PDE4B: variants seen among roughly 807,000 people sequenced by gnomAD.
The protein encoded by PDE4B is 3',5'-cyclic-AMP phosphodiesterase 4B.
PDE4B carries 20 observed loss-of-function variants against 82.2 expected under a neutral mutation model. The observed-to-expected ratio is 0.24, with a 90% CI of 0.17 to 0.35. PDE4B has a LOEUF of 0.35. PDE4B is among the 10% of genes least tolerant of loss of function. PDE4B has a pLI of 1.00. For synonymous variants in PDE4B, 320 were observed against 318.9 expected (o/e 1.00, Z -0.04); for missense variants, 655 against 907.2 (o/e 0.72, Z 3.57).
At chr1:65,969,106 A>AT (rs1279667230) in intron 3 of PDE4B, among the ~76,000 whole-genome samples, 5 of 152,168 alleles carry the variant, frequency 3.3e-5, no homozygotes, top group Non-Finnish European at 4.4e-5. Flanking sequence ...CTATGATGCT[A>AT]TAACAAACAA....
intron 3 of PDE4B, among the ~76,000 whole-genome samples, chr1:66,149,761 G>A (rs1646354314): frequency 6.6e-6 from 1 of 152,154 alleles, no homozygotes. Flanking sequence ...GCGGAGGCAG[G>A]AGCATCCCTT....
At chr1:66,370,919 C>T (rs942806572) in intron 16 of PDE4B, among the ~76,000 whole-genome samples, 9 of 151,462 alleles carry the variant, frequency 5.9e-5, no homozygotes, top group South Asian at 2.1e-4. Flanking sequence ...GAATCATGTA[C>T]GGTTGAGTTT....
At chr1:66,016,116 C>G (rs1500957) in intron 3 of PDE4B, among the ~76,000 whole-genome samples, 10,965 of 152,156 alleles carry the variant, frequency 0.072, 442 homozygotes, top group South Asian at 0.14. Context: ...CTGAGTATCT[C>G]CATCTCTAAA....
chr1:66,232,888 C>T (rs1443645387), intron 3 of PDE4B, among the ~76,000 whole-genome samples: 1 of 152,128 alleles, frequency 6.6e-6, no homozygotes. Context: ...ATAAAGACAA[C>T]TTGTTAGAAA....
chr1:66,096,508 T>TATATA (rs59931848), intron 3 of PDE4B, among the ~76,000 whole-genome samples: 5 of 107,320 alleles, frequency 4.7e-5, no homozygotes, highest in African/African-American at 6.7e-5. Context: ...GTAAAAAAAA[T>TATATA]TATATATATA....
chr1:66,016,745 C>T (rs1424349000), intron 3 of PDE4B, among the ~76,000 whole-genome samples: 1 of 152,116 alleles, frequency 6.6e-6, no homozygotes, highest in African/African-American at 2.4e-5. Context: ...TCCCAAACTT[C>T]TTATAGTTTA....
At chr1:66,245,336 A>G (rs934878401) in intron 3 of PDE4B, among the ~76,000 whole-genome samples, 1 of 152,156 alleles carries the variant, frequency 6.6e-6, no homozygotes, top group East Asian at 1.9e-4. Flanking sequence ...AAATACATGA[A>G]ATTTCTAAAC....
intron 8 of PDE4B, among the ~76,000 whole-genome samples, chr1:66,337,953 A>G (rs909151836): frequency 2.6e-5 from 4 of 152,256 alleles, no homozygotes; most frequent in Admixed American, 6.5e-5. Flanking sequence ...AGTAATATAG[A>G]CAATAAAACT....
chr1:66,026,724 T>C (rs886202390), intron 3 of PDE4B, among the ~76,000 whole-genome samples: 5 of 152,206 alleles, frequency 3.3e-5, no homozygotes, highest in African/African-American at 1.2e-4. Flanking sequence ...TAACTGTTAT[T>C]CTCATTGCCA....
intron 7 of PDE4B, among the ~76,000 whole-genome samples, chr1:66,317,057 A>G (rs1659077285): frequency 6.6e-6 from 1 of 152,216 alleles, no homozygotes; most frequent in Non-Finnish European, 1.5e-5. Context: ...TTGGGTTGCC[A>G]TGAAACCTGA....
intron 3 of PDE4B, among the ~76,000 whole-genome samples, chr1:66,063,266 G>A (rs1156746218): frequency 6.6e-6 from 1 of 151,942 alleles, no homozygotes; most frequent in Admixed American, 6.6e-5. Flanking sequence ...AAAAAGAGGA[G>A]GTGAATATTG....
Position 65,931,870 on chromosome 1 carries a change from C to A in PDE4B, c.281+13035C>A, listed in dbSNP as rs970373693. Among the ~76,000 whole-genome samples, 6 of 152,330 alleles carry A rather than the reference C, an allele frequency of 3.9e-5. No homozygotes were observed. In the East Asian group the frequency reaches 5.8e-4, roughly 15 times the overall value. On this transcript the variant is annotated intron_variant, in intron 3 of 16. Coordinates refer to ENST00000341517, the MANE Select transcript of PDE4B (RefSeq NM_002600.4). ...AACTTCTTCCTCCCCAAAGGATGGG[C>A]CTTTCTCTTTCCAGTCTTGGAGCAG...
chr1:66,289,655 T>C (rs976930223), intron 7 of PDE4B, among the ~76,000 whole-genome samples: 4 of 151,902 alleles, frequency 2.6e-5, no homozygotes, highest in Admixed American at 6.6e-5. Context: ...ATTTGGATTA[T>C]ATTAAAGCAA....
intron 1 of PDE4B, among the ~76,000 whole-genome samples, chr1:65,881,522 C>T (rs1454887127): frequency 6.6e-6 from 1 of 152,158 alleles, no homozygotes; most frequent in Non-Finnish European, 1.5e-5. Flanking sequence ...ACCTCAGTTT[C>T]ATAATCTACT....
chr1:66,137,839 A>G (rs1014650988), intron 3 of PDE4B, among the ~76,000 whole-genome samples: 1 of 152,178 alleles, frequency 6.6e-6, no homozygotes. Flanking sequence ...TGAATATCTA[A>G]TATCTTCTAG....
intron 7 of PDE4B, among the ~76,000 whole-genome samples, chr1:66,315,808 T>C (rs1008829420): frequency 2.0e-5 from 3 of 152,174 alleles, no homozygotes; most frequent in African/African-American, 7.2e-5. Context: ...TTCTTTTTTT[T>C]GAAGGTGAGT....
At chr1:65,858,716 T>G (rs575463406) in intron 1 of PDE4B, among the ~76,000 whole-genome samples, 49 of 152,314 alleles carry the variant, frequency 3.2e-4, no homozygotes, top group African/African-American at 1.2e-3. Flanking sequence ...TGTCTATATC[T>G]TCTGGTTAGT....
intron 3 of PDE4B, among the ~76,000 whole-genome samples, chr1:66,071,107 C>CT (rs1302195876): frequency 6.6e-6 from 1 of 151,900 alleles, no homozygotes; most frequent in African/African-American, 2.4e-5. Flanking sequence ...TTTGCATTGA[C>CT]TAGCAGCATA....
chr1:66,163,476 T>G (rs1646658904), intron 3 of PDE4B, among the ~76,000 whole-genome samples: 1 of 152,104 alleles, frequency 6.6e-6, no homozygotes, highest in African/African-American at 2.4e-5. Flanking sequence ...TGTATTATAA[T>G]ATTACATAAC....
Sources: gnomAD v4.1 joint callset for allele counts (sites outside exome capture counted in the v4.1 genomes callset) on GRCh38, gnomAD v4.1.1 for gene constraint, MANE v1.5 for transcripts, NCBI Gene and HGNC (gene_info 2026-07-23, HGNC 2026-07-21) for gene names.